RFX7: variants seen among roughly 807,000 people sequenced by gnomAD.
RFX7 encodes regulatory factor X7, also known as DNA-binding protein RFX7.
A neutral mutation model predicts 111.8 loss-of-function variants in RFX7; 26 were observed. The ratio of observed to expected loss-of-function variants is 0.23; its 90% CI spans 0.17 to 0.32. The LOEUF is 0.32. RFX7 is among the 10% of genes least tolerant of loss of function. The probability of loss-of-function intolerance (pLI) is 1.00; values close to 1 mark genes in which losing one functional copy is unlikely to be tolerated. For synonymous variants in RFX7, 624 were observed against 624.4 expected, an observed-to-expected ratio of 1.00 and a Z score of 0.01; for missense variants, 1,573 against 1,772.9, an observed-to-expected ratio of 0.89 and a Z score of 2.02.
In RFX7 at chr15:56,243,125, C is replaced by T. The variant is rs1181674020; in HGVS notation, c.161G>A (p.Cys54Tyr). ...CGCGAGCGATGGAGGATCCTCTTAC[C>T]AGATGGAGTTCTTGATCTTGTGTTG... ...ALQHKIKNSI[C>Y]KTVQSKVDCI... Residue 54 changes from cysteine to tyrosine, a missense_variant and splice_region_variant, in exon 2 of 10, where the codon TGC becomes TAC. Physicochemically the swap from Cys to Tyr is radical, Grantham distance 194. Coordinates refer to ENST00000559447, the MANE Select transcript of RFX7 (RefSeq NM_022841.7). 7.3e-7 allele frequency: 1 copy of T among 1,362,336 alleles called. No homozygotes were observed. The highest frequency in any genetic ancestry group is 1.5e-5 in the African/African-American group (1 of 67,420). The allele number at this position is 1,362,336 out of a possible 1,614,324, so 84.4% of individuals were successfully genotyped here. A position where few individuals can be genotyped will look rare whatever the true frequency, so the allele number is the denominator to read the frequency against.
upstream of RFX7, chr15:56,243,932 T>C (rs1351153052): frequency 6.7e-6 from 1 of 149,218 alleles, no homozygotes; most frequent in African/African-American, 2.4e-5. Flanking sequence ...CCGGGGGGCG[T>C]GGACCAGGGT....
At chr15:56,153,730 C>T (rs1489202992) in intron 3 of RFX7, among the ~76,000 whole-genome samples, 1 of 152,160 alleles carries the variant, frequency 6.6e-6, no homozygotes, top group Non-Finnish European at 1.5e-5. Flanking sequence ...TGAAAACTGG[C>T]ACAAGACAAG....
chr15:56,239,304 T>C (rs928876757), intron 2 of RFX7, among the ~76,000 whole-genome samples: 1 of 151,666 alleles, frequency 6.6e-6, no homozygotes, highest in Non-Finnish European at 1.5e-5. Context: ...GTTTTGCTCT[T>C]GTTGCCCAGA....
chr15:56,118,397 C>T (rs937165595), intron 5 of RFX7, among the ~76,000 whole-genome samples: 3 of 152,066 alleles, frequency 2.0e-5, no homozygotes, highest in Admixed American at 6.5e-5. Flanking sequence ...TCCATGAGTT[C>T]AATTATTTTA....
chr15:56,238,307 C>T (rs909895848), intron 2 of RFX7, among the ~76,000 whole-genome samples: 5 of 152,126 alleles, frequency 3.3e-5, no homozygotes, highest in Admixed American at 2.6e-4. Context: ...TGTTGATTGT[C>T]ATCATCATAA....
chr15:56,102,103 G>A, intron 7 of RFX7, 66 bp downstream of exon 7: 1 of 1,149,814 alleles, frequency 8.7e-7, no homozygotes, highest in Non-Finnish European at 1.3e-6. Flanking sequence ...GACTTTGCAG[G>A]ATGCATTTCA....
At chr15:56,102,930 TA>T (rs2041776613) in intron 6 of RFX7, among the ~76,000 whole-genome samples, 1 of 152,204 alleles carries the variant, frequency 6.6e-6, no homozygotes, top group Non-Finnish European at 1.5e-5. Context: ...CCCTCTATTT[TA>T]CAATCTTCTT....
At chr15:56,118,169 T>A (rs1429500053) in intron 5 of RFX7, among the ~76,000 whole-genome samples, 1 of 152,176 alleles carries the variant, frequency 6.6e-6, no homozygotes, top group Non-Finnish European at 1.5e-5. Flanking sequence ...ACCTCGAGCA[T>A]TTATTCTTTG....
Position 56,092,258 on chromosome 15 carries a change from C to T in RFX7, c.*1087G>A, listed in dbSNP as rs568712762. 2.6e-5 allele frequency: 4 copies of T among 152,574 alleles called. No individual in the cohort carries two copies. The South Asian group carries it at 8.3e-4, about 32-fold the overall frequency. 9.5% of individuals were successfully genotyped at this position (152,574 alleles called of 1,614,324 possible). On this transcript the variant is annotated 3_prime_UTR_variant, in exon 10 of 10. Coordinates refer to ENST00000559447, the MANE Select transcript of RFX7 (RefSeq NM_022841.7). ...GATATAAAGATTTGTGGCTTCAGACCTTAGGTGGTGAAATGTTTTTTGTTG... is the reference window on the plus strand; with the variant it reads ...GATATAAAGATTTGTGGCTTCAGACTTTAGGTGGTGAAATGTTTTTTGTTG...
At chr15:56,100,910 G>A (rs2041743519) in intron 8 of RFX7, among the ~76,000 whole-genome samples, 1 of 152,016 alleles carries the variant, frequency 6.6e-6, no homozygotes, top group African/African-American at 2.4e-5. Flanking sequence ...TAAGTTACCT[G>A]TCACAGTGTG....
intron 2 of RFX7, among the ~76,000 whole-genome samples, chr15:56,236,689 T>C (rs1450056560): frequency 6.6e-6 from 1 of 152,218 alleles, no homozygotes; most frequent in Non-Finnish European, 1.5e-5. Context: ...TTTTCTTATT[T>C]ATATAATTGA....
At chr15:56,220,718 CT>C (rs1425382316) in intron 2 of RFX7, among the ~76,000 whole-genome samples, 3 of 152,122 alleles carry the variant, frequency 2.0e-5, no homozygotes. Flanking sequence ...TTTGTTGCAA[CT>C]GCTTTTGGCC....
intron 5 of RFX7, among the ~76,000 whole-genome samples, chr15:56,136,864 A>G (rs1361626063): frequency 2.1e-5 from 3 of 146,316 alleles, no homozygotes; most frequent in African/African-American, 7.6e-5. Flanking sequence ...TTCTGCATCT[A>G]TTGAGATAAT....
At chr15:56,111,515 G>C (rs1318295265) in intron 5 of RFX7, among the ~76,000 whole-genome samples, 6 of 151,338 alleles carry the variant, frequency 4.0e-5, no homozygotes, top group Non-Finnish European at 8.9e-5. Flanking sequence ...CACTGAGGAA[G>C]GCCGCAGGGT....
chr15:56,176,617 T>C (rs2042905905), intron 3 of RFX7, among the ~76,000 whole-genome samples: 1 of 152,094 alleles, frequency 6.6e-6, no homozygotes, highest in Non-Finnish European at 1.5e-5. Context: ...ATAAAGACAT[T>C]CATAGATAAA....
At chr15:56,110,098 T>G (rs1276596898) in intron 5 of RFX7, among the ~76,000 whole-genome samples, 380 of 87,600 alleles carry the variant, frequency 4.3e-3, no homozygotes, top group Admixed American at 9.7e-3. Flanking sequence ...GGTGGGGGGG[T>G]CAGCCCCCCG....
chr15:56,153,268 T>C (rs937422826), intron 3 of RFX7, among the ~76,000 whole-genome samples: 1 of 152,126 alleles, frequency 6.6e-6, no homozygotes, highest in Non-Finnish European at 1.5e-5. Flanking sequence ...AAAAGAAAAT[T>C]TCAGGCCAAT....
intron 8 of RFX7, among the ~76,000 whole-genome samples, chr15:56,100,412 G>C (rs1158674698): frequency 2.6e-5 from 4 of 152,150 alleles, no homozygotes; most frequent in Admixed American, 2.0e-4. Context: ...CACAAAAGGA[G>C]AGGTTACACA....
intron 5 of RFX7, among the ~76,000 whole-genome samples, chr15:56,105,218 C>T (rs1357026814): frequency 2.6e-5 from 4 of 152,118 alleles, no homozygotes; most frequent in African/African-American, 7.2e-5. Context: ...GGATCTCTTC[C>T]GACTAAAGCA....
Sources: gnomAD v4.1 joint callset for allele counts (sites outside exome capture counted in the v4.1 genomes callset) on GRCh38, gnomAD v4.1.1 for gene constraint, MANE v1.5 for transcripts, NCBI Gene and HGNC (gene_info 2026-07-23, HGNC 2026-07-21) for gene names.